Variants in RABGAP1L observed in about 807,000 individuals in gnomAD.
RABGAP1L encodes the protein rab GTPase-activating protein 1-like.
Under a neutral mutation model 137.7 loss-of-function variants are expected in RABGAP1L, and 63 were observed. The observed-to-expected ratio is 0.46, with a 90% CI of 0.37 to 0.56. RABGAP1L has a LOEUF of 0.56. Ranked by LOEUF, RABGAP1L falls within the 20% of genes least tolerant of loss-of-function variation. RABGAP1L has a pLI of 0.00. For synonymous variants in RABGAP1L, 431 were observed against 433.7 expected (o/e 0.99, Z 0.08); for missense variants, 1,095 against 1,244.0 (o/e 0.88, Z 1.80).
At chr1:174,209,686 G>C (rs908024250) in intron 1 of RABGAP1L, among the ~76,000 whole-genome samples, 4 of 152,188 alleles carry the variant, frequency 2.6e-5, no homozygotes, top group African/African-American at 9.6e-5. Flanking sequence ...GCCCTGAGGG[G>C]AAGGACACAA....
At chr1:174,677,971 G>A (rs1289835448) in intron 14 of RABGAP1L, among the ~76,000 whole-genome samples, 1 of 151,956 alleles carries the variant, frequency 6.6e-6, no homozygotes, top group African/African-American at 2.4e-5. Context: ...CCAAAAGCCA[G>A]ATCTTTGAAA....
intron 13 of RABGAP1L, among the ~76,000 whole-genome samples, chr1:174,439,133 T>C (rs992781279): frequency 1.3e-5 from 2 of 152,202 alleles, no homozygotes; most frequent in Non-Finnish European, 2.9e-5. Context: ...CCTTCCTTTT[T>C]TCCCAGTCTC....
chr1:174,896,539 C>T (rs183814547), intron 19 of RABGAP1L, among the ~76,000 whole-genome samples: 3,134 of 152,186 alleles, frequency 0.021, 50 homozygotes, highest in Middle Eastern at 0.078. Context: ...AATGGTATTG[C>T]CTAGGTTTTC....
chr1:174,293,273 T>C (rs192952955), intron 10 of RABGAP1L, among the ~76,000 whole-genome samples: 47 of 152,258 alleles, frequency 3.1e-4, no homozygotes, highest in African/African-American at 1.0e-3. Flanking sequence ...ACTTGTAACA[T>C]TGGAAACATT....
At chr1:174,727,584 G>A (rs1465325631) in intron 17 of RABGAP1L, among the ~76,000 whole-genome samples, 4 of 152,290 alleles carry the variant, frequency 2.6e-5, no homozygotes, top group Non-Finnish European at 4.4e-5. Flanking sequence ...CAATTAGAAA[G>A]AAAGAACAAG....
At chr1:174,656,321 A>G (rs1028979113) in intron 14 of RABGAP1L, among the ~76,000 whole-genome samples, 8 of 152,110 alleles carry the variant, frequency 5.3e-5, no homozygotes, top group Admixed American at 3.9e-4. Flanking sequence ...ATCCAGGCAT[A>G]GTGGTGGGTG....
intron 19 of RABGAP1L, among the ~76,000 whole-genome samples, chr1:174,872,005 G>A (rs1347550693): frequency 1.3e-5 from 2 of 152,170 alleles, no homozygotes; most frequent in African/African-American, 2.4e-5. Flanking sequence ...TTAAAGAGTT[G>A]CATCTATTCT....
chr1:174,553,408 G>A (rs923181687), intron 13 of RABGAP1L, among the ~76,000 whole-genome samples: 1 of 152,074 alleles, frequency 6.6e-6, no homozygotes, highest in Non-Finnish European at 1.5e-5. Flanking sequence ...TTTTGTATGT[G>A]GTATAAGGAA....
At chr1:174,936,970 A>C (rs545767723) in intron 19 of RABGAP1L, among the ~76,000 whole-genome samples, 2 of 117,876 alleles carry the variant, frequency 1.7e-5, no homozygotes, top group African/African-American at 9.1e-5. Flanking sequence ...TTATAAGATT[A>C]ATTTTTTTTT....
At chr1:174,233,436 C>T (rs1217237143) in intron 4 of RABGAP1L, among the ~76,000 whole-genome samples, 1 of 118,172 alleles carries the variant, frequency 8.5e-6, no homozygotes, top group Non-Finnish European at 1.6e-5. Context: ...CCACAACAGT[C>T]CCCAGAGTGT....
At chr1:174,777,852 AG>A (rs1686655618) in intron 18 of RABGAP1L, among the ~76,000 whole-genome samples, 1 of 152,202 alleles carries the variant, frequency 6.6e-6, no homozygotes, top group Non-Finnish European at 1.5e-5. Context: ...TTCAATACAA[AG>A]AAAAAGCAAA....
chr1:174,598,050 GC>G (rs1670105577), intron 13 of RABGAP1L, among the ~76,000 whole-genome samples: 1 of 152,018 alleles, frequency 6.6e-6, no homozygotes, highest in Non-Finnish European at 1.5e-5. Flanking sequence ...AACATTTTAG[GC>G]CAGGTGTGGT....
At chr1:174,330,405 C>T (rs952090228) in intron 11 of RABGAP1L, among the ~76,000 whole-genome samples, 7 of 152,114 alleles carry the variant, frequency 4.6e-5, no homozygotes, top group Non-Finnish European at 5.9e-5. Context: ...CATTGGGAGA[C>T]GTTGTCTCTA....
In RABGAP1L at chr1:174,879,331, C is replaced by G. The variant is rs142618315; in HGVS notation, c.2340+67371C>G. 3.7e-3 allele frequency among the ~76,000 whole-genome samples: 559 copies of G among 152,230 alleles called. 4 individuals carry two copies. The highest frequency in any genetic ancestry group is 0.013 in the African/African-American group (545 of 41,544). On this transcript the variant is annotated intron_variant, in intron 19 of 25. Coordinates refer to ENST00000681986, the MANE Select transcript of RABGAP1L (RefSeq NM_001366446.1). Reference sequence around the variant, plus strand: ...GCCAGGGTGGGCTCAAGCTCTTGATCTTGTGATCTACCCGCCTCGGCCTCC... The same window carrying G: ...GCCAGGGTGGGCTCAAGCTCTTGATGTTGTGATCTACCCGCCTCGGCCTCC...
At chr1:174,881,584 T>C (rs142629521) in intron 19 of RABGAP1L, among the ~76,000 whole-genome samples, 3,616 of 146,666 alleles carry the variant, frequency 0.025, 61 homozygotes, top group Middle Eastern at 0.088. Flanking sequence ...ATTGCAACCT[T>C]CGCCTCCTGG....
intron 19 of RABGAP1L, among the ~76,000 whole-genome samples, chr1:174,827,298 C>T (rs1194467041): frequency 6.6e-6 from 1 of 152,138 alleles, no homozygotes; most frequent in Non-Finnish European, 1.5e-5. Context: ...TAGGCATGTG[C>T]CACTGTGCCC....
intron 11 of RABGAP1L, among the ~76,000 whole-genome samples, chr1:174,306,428 T>C (rs1489133439): frequency 6.6e-6 from 1 of 152,220 alleles, no homozygotes; most frequent in Non-Finnish European, 1.5e-5. Flanking sequence ...CAGCACCTGT[T>C]GTTTCCTGAC....
At chr1:174,430,357 GA>G (rs201831946) in intron 13 of RABGAP1L, among the ~76,000 whole-genome samples, 8,694 of 137,858 alleles carry the variant, frequency 0.063, 342 homozygotes, top group Non-Finnish European at 0.083. Flanking sequence ...GACTCTGTCT[GA>G]AAAAAAAAAA....
intron 19 of RABGAP1L, among the ~76,000 whole-genome samples, chr1:174,866,910 C>CA (rs199983685): frequency 9.8e-5 from 14 of 142,422 alleles, no homozygotes; most frequent in East Asian, 2.0e-4. Flanking sequence ...GACCCTGTCT[C>CA]AAAAAAAAAA....
Sources: allele counts gnomAD v4.1 joint callset (sites outside exome capture counted in the v4.1 genomes callset), GRCh38; gene constraint gnomAD v4.1.1; transcripts MANE v1.5; gene names NCBI Gene and HGNC (gene_info 2026-07-23, HGNC 2026-07-21).